Variants in CDKL3 observed in about 807,000 individuals in gnomAD.
The protein encoded by CDKL3 is cyclin-dependent kinase-like 3.
CDKL3 carries 65 observed loss-of-function variants against 69.3 expected under a neutral mutation model. The observed-to-expected ratio is 0.94, with a 90% confidence interval of 0.77 to 1.15. CDKL3 has a LOEUF of 1.15. Ranked by LOEUF, CDKL3 falls within the 50% of genes most tolerant of loss-of-function variation. CDKL3 has a pLI of 0.00. For missense variants in CDKL3, 652 were observed against 689.2 expected (o/e 0.95, Z 0.61); for synonymous variants, 202 against 221.6 (o/e 0.91, Z 0.79).
intron 12 of CDKL3, among the ~76,000 whole-genome samples, chr5:134,300,992 A>C (rs549575481): frequency 6.6e-6 from 1 of 151,434 alleles, no homozygotes; most frequent in Admixed American, 6.6e-5. Flanking sequence ...AAAGATGACT[A>C]TTAATGGATT....
chr5:134,365,060 G>A (rs932789385), intron 2 of CDKL3, among the ~76,000 whole-genome samples: 1 of 151,022 alleles, frequency 6.6e-6, no homozygotes, highest in African/African-American at 2.4e-5. Flanking sequence ...TTGGCTCACT[G>A]CAAGCTCCGC....
intron 7 of CDKL3, among the ~76,000 whole-genome samples, chr5:134,310,989 G>C (rs189496555): frequency 6.6e-6 from 1 of 152,272 alleles, no homozygotes; most frequent in East Asian, 1.9e-4. Flanking sequence ...CACGTCCAAA[G>C]ACAAGCTGAA....
intron 4 of CDKL3, among the ~76,000 whole-genome samples, chr5:134,340,849 A>AT (rs1337671218): frequency 6.6e-6 from 1 of 152,162 alleles, no homozygotes; most frequent in Non-Finnish European, 1.5e-5. Context: ...ATCCCATCTC[A>AT]TTTTTTAAAA....
chr5:134,338,011 T>C (rs1777530233), intron 4 of CDKL3, among the ~76,000 whole-genome samples: 1 of 152,150 alleles, frequency 6.6e-6, no homozygotes, highest in Non-Finnish European at 1.5e-5. Flanking sequence ...TACAAAATAA[T>C]ATGCAAGCCA....
intron 9 of CDKL3, among the ~76,000 whole-genome samples, chr5:134,306,967 C>T (rs941205642): frequency 1.3e-5 from 2 of 152,032 alleles, no homozygotes; most frequent in African/African-American, 4.8e-5. Context: ...GTTGGCCAGG[C>T]TGGTCTCGAA....
chr5:134,312,712 C>T (rs918894992), intron 6 of CDKL3, among the ~76,000 whole-genome samples: 1 of 152,194 alleles, frequency 6.6e-6, no homozygotes, highest in African/African-American at 2.4e-5. Context: ...CATGGATAAT[C>T]ATTTGCATTT....
upstream of CDKL3, among the ~76,000 whole-genome samples, chr5:134,367,826 TACGAA>T (rs1757815049): frequency 6.6e-6 from 1 of 152,180 alleles, no homozygotes; most frequent in Non-Finnish European, 1.5e-5. Flanking sequence ...TTCCACCATA[TACGAA>T]ATGATGTACA....
intron 1 of CDKL3, among the ~76,000 whole-genome samples, 192 bp downstream of exon 1, chr5:134,366,785 A>G (rs1757541876): frequency 1.3e-5 from 2 of 152,070 alleles, no homozygotes; most frequent in African/African-American, 4.8e-5. Context: ...TGTCTCGGTC[A>G]TGCCCATCAA....
intron 7 of CDKL3, among the ~76,000 whole-genome samples, chr5:134,309,575 A>G (rs1375901140): frequency 1.3e-5 from 2 of 152,142 alleles, no homozygotes; most frequent in Non-Finnish European, 2.9e-5. Context: ...GTCCATACTG[A>G]AAAGTTTCCT....
chr5:134,322,809 G>A (rs1773133958), intron 4 of CDKL3, among the ~76,000 whole-genome samples: 2 of 151,982 alleles, frequency 1.3e-5, no homozygotes, highest in Non-Finnish European at 2.9e-5. Context: ...GAAAAACCTC[G>A]TCTCTACTAA....
rs1753292528 is a variant in CDKL3 at position 134,351,474 on chromosome 5, C to CACA, written c.361-1050_361-1048dup. ...CATTGCCCAGACCAGAGTGCAAAGGCACAATCAAAGCTCACTGCAGCCTCA... is the reference window on the plus strand; with the variant it reads ...CATTGCCCAGACCAGAGTGCAAAGGCACAACAATCAAAGCTCACTGCAGCCTCA... On this transcript the variant is annotated intron_variant, in intron 3 of 12. Transcript: ENST00000265334. Among the ~76,000 whole-genome samples the CACA allele has an allele frequency of 5.3e-5, 8 of 152,256 alleles. No individual in the cohort carries two copies. In the South Asian group the frequency reaches 1.7e-3, roughly 32 times the overall value.
chr5:134,348,115 T>G (rs570729624), intron 4 of CDKL3, among the ~76,000 whole-genome samples: 5 of 152,108 alleles, frequency 3.3e-5, no homozygotes, highest in Non-Finnish European at 7.4e-5. Context: ...TGGCCAGGCC[T>G]GGTGGCTCAC....
intron 3 of CDKL3, among the ~76,000 whole-genome samples, 197 bp downstream of exon 3, chr5:134,359,700 G>A (rs183026714): frequency 9.5e-4 from 144 of 152,210 alleles, no homozygotes; most frequent in Non-Finnish European, 1.6e-3. Flanking sequence ...CTTATAGTTG[G>A]AATTACTGAG....
intron 3 of CDKL3, among the ~76,000 whole-genome samples, chr5:134,359,212 T>C (rs929051903): frequency 2.0e-5 from 3 of 151,628 alleles, no homozygotes; most frequent in African/African-American, 7.3e-5. Flanking sequence ...GCAGGAGAAT[T>C]GCTTGAACCC....
intron 12 of CDKL3, 75 bp from the exon 13 acceptor site, chr5:134,298,785 T>C: frequency 6.5e-7 from 1 of 1,544,542 alleles, no homozygotes; most frequent in Non-Finnish European, 8.8e-7. Flanking sequence ...CTGACTTTAT[T>C]AATGCTAAAT....
chr5:134,286,131 AAAC>A (rs1764849166), downstream of CDKL3, among the ~76,000 whole-genome samples: 2 of 152,158 alleles, frequency 1.3e-5, no homozygotes, highest in East Asian at 3.8e-4. Context: ...AAAAGAAAAA[AAAC>A]AACAACAACA....
At chr5:134,336,403 C>G (rs1777119799) in intron 4 of CDKL3, among the ~76,000 whole-genome samples, 1 of 152,172 alleles carries the variant, frequency 6.6e-6, no homozygotes, top group Non-Finnish European at 1.5e-5. Flanking sequence ...GGAGAAGAGG[C>G]ATTCTGGTTT....
chr5:134,304,345 T>G, intron 11 of CDKL3, 60 bp downstream of exon 11: 1 of 1,337,486 alleles, frequency 7.5e-7, no homozygotes, highest in Admixed American at 2.4e-5. Flanking sequence ...TAAGTTATAT[T>G]ATGAAAAAAT....
chr5:134,300,424 A>T (rs1443243407), intron 12 of CDKL3, among the ~76,000 whole-genome samples: 2 of 152,210 alleles, frequency 1.3e-5, no homozygotes, highest in Non-Finnish European at 2.9e-5. Flanking sequence ...CCAAGTCAAT[A>T]CAGAGCCAAG....
Sources: allele counts gnomAD v4.1 joint callset (sites outside exome capture counted in the v4.1 genomes callset), GRCh38; gene constraint gnomAD v4.1.1; transcripts MANE v1.5; gene names NCBI Gene and HGNC (gene_info 2026-07-23, HGNC 2026-07-21).